IL1RAPL1: variants seen among roughly 807,000 people sequenced by gnomAD.
IL1RAPL1 encodes interleukin-1 receptor accessory protein-like 1.
In IL1RAPL1, 3 loss-of-function variants were observed where a neutral mutation model predicts 48.4. The observed-to-expected ratio is 0.06, with a 90% CI of 0.03 to 0.16. The LOEUF (loss-of-function observed/expected upper bound fraction) is 0.16, where lower values mean the gene tolerates loss of function less well. Among genes scored for constraint, IL1RAPL1 ranks in the 10% least tolerant of loss-of-function variants. The pLI is 1.00. For synonymous variants in IL1RAPL1, 185 were observed against 187.7 expected, an observed-to-expected ratio of 0.99 and a Z score of 0.12; for missense variants, 349 against 530.6, an observed-to-expected ratio of 0.66 and a Z score of 3.36.
chrX:29,640,587 G>C (rs1023431226), intron 5 of IL1RAPL1, among the ~76,000 whole-genome samples: 2 of 111,688 alleles, frequency 1.8e-5, no homozygotes, highest in Admixed American at 1.9e-4. Flanking sequence ...GGAGTAAATG[G>C]CAACTCCATT....
chrX:29,516,916 G>A (rs1935452049), intron 5 of IL1RAPL1, among the ~76,000 whole-genome samples: 1 of 111,679 alleles, frequency 9.0e-6, no homozygotes, highest in African/African-American at 3.2e-5. Flanking sequence ...TCTCACATCT[G>A]TAATCAGGCC....
intron 2 of IL1RAPL1, among the ~76,000 whole-genome samples, chrX:28,873,682 C>T (rs1922282646): frequency 9.3e-6 from 1 of 107,936 alleles, no homozygotes; most frequent in African/African-American, 3.4e-5. Flanking sequence ...CAGGAGCCCG[C>T]CACCACAGCC....
chrX:28,690,912 T>C (rs1467157870), intron 1 of IL1RAPL1, among the ~76,000 whole-genome samples: 3 of 111,436 alleles, frequency 2.7e-5, no homozygotes, highest in Non-Finnish European at 5.6e-5. Context: ...CTTCTCTACA[T>C]TCCACTGCTA....
At chrX:29,455,060 T>C (rs923842648) in intron 5 of IL1RAPL1, among the ~76,000 whole-genome samples, 106 of 111,387 alleles carry the variant, frequency 9.5e-4, no homozygotes, top group African/African-American at 3.2e-3. Context: ...GCTGAAATCA[T>C]TTTAAATAAA....
intron 6 of IL1RAPL1, among the ~76,000 whole-genome samples, chrX:29,718,603 TAA>T (rs11438049): frequency 1.1e-4 from 9 of 80,341 alleles, no homozygotes; most frequent in Non-Finnish European, 7.1e-5. Context: ...GCTAAAGTAT[TAA>T]AAAAAAAAAA....
At chrX:29,644,852 C>G (rs1327584312) in intron 5 of IL1RAPL1, among the ~76,000 whole-genome samples, 3 of 112,681 alleles carry the variant, frequency 2.7e-5, no homozygotes, top group South Asian at 7.3e-4. Context: ...CAGGCAAGAG[C>G]CACCACGCCC....
chrX:29,271,188 A>G (rs149147551), intron 2 of IL1RAPL1, among the ~76,000 whole-genome samples: 1 of 111,970 alleles, frequency 8.9e-6, no homozygotes, highest in African/African-American at 3.2e-5. Flanking sequence ...TGCAAAGGAC[A>G]TGATCTCACT....
At chrX:29,046,032 TCTCCTC>T (rs201916310) in intron 2 of IL1RAPL1, among the ~76,000 whole-genome samples, 14 of 86,035 alleles carry the variant, frequency 1.6e-4, no homozygotes, top group South Asian at 7.0e-4. Flanking sequence ...TTCCTCTTCT[TCTCCTC>T]CTCCTCCTCC....
At chrX:29,911,166 G>A (rs1436873354) in intron 6 of IL1RAPL1, among the ~76,000 whole-genome samples, 1 of 111,561 alleles carries the variant, frequency 9.0e-6, no homozygotes, top group South Asian at 3.8e-4. Flanking sequence ...TTCACACAAT[G>A]GGATATTACT....
chrX:29,120,406 C>G (rs1928759419), intron 2 of IL1RAPL1, among the ~76,000 whole-genome samples: 1 of 111,464 alleles, frequency 9.0e-6, no homozygotes. Flanking sequence ...AGTCCTTTCC[C>G]CATTGCTTAT....
intron 5 of IL1RAPL1, among the ~76,000 whole-genome samples, chrX:29,508,710 T>C: frequency 9.0e-6 from 1 of 111,652 alleles, no homozygotes; most frequent in Non-Finnish European, 1.9e-5. Flanking sequence ...ACCAGTATGA[T>C]ATGGAATAAG....
At chrX:28,672,377 T>C (rs1934955732) in intron 1 of IL1RAPL1, among the ~76,000 whole-genome samples, 1 of 111,754 alleles carries the variant, frequency 8.9e-6, no homozygotes, top group South Asian at 3.8e-4. Context: ...GGAGGGGGAC[T>C]GCTATCTTTG....
At chrX:29,128,799 C>A (rs1451296502) in intron 2 of IL1RAPL1, among the ~76,000 whole-genome samples, 2 of 110,865 alleles carry the variant, frequency 1.8e-5, no homozygotes, top group Non-Finnish European at 3.8e-5. Context: ...TTGAAAATGT[C>A]ATGCATTTTA....
intron 6 of IL1RAPL1, among the ~76,000 whole-genome samples, chrX:29,912,050 G>A (rs1420939419): frequency 8.9e-6 from 1 of 112,101 alleles, no homozygotes; most frequent in African/African-American, 3.2e-5. Context: ...GAAGTTTTGA[G>A]TATCTATTAT....
chrX:29,190,277 A>T (rs1170453708), intron 2 of IL1RAPL1, among the ~76,000 whole-genome samples: 2 of 112,136 alleles, frequency 1.8e-5, no homozygotes, highest in African/African-American at 6.5e-5. Flanking sequence ...ATTTGGTATC[A>T]TATGAAGCCA....
At chrX:29,716,829 T>G (rs958360097) in intron 6 of IL1RAPL1, among the ~76,000 whole-genome samples, 4 of 111,643 alleles carry the variant, frequency 3.6e-5, no homozygotes, top group Non-Finnish European at 7.5e-5. Flanking sequence ...TTCTATTTAG[T>G]GTATTCTAAT....
At chrX:28,705,874 A>C (rs1467542234) in intron 1 of IL1RAPL1, among the ~76,000 whole-genome samples, 1 of 112,260 alleles carries the variant, frequency 8.9e-6, no homozygotes, top group African/African-American at 3.2e-5. Flanking sequence ...AAATTAATAA[A>C]TGAAGTGATG....
At chrX:29,853,677 A>G (rs1274626828) in intron 6 of IL1RAPL1, among the ~76,000 whole-genome samples, 1 of 111,847 alleles carries the variant, frequency 8.9e-6, no homozygotes, top group Non-Finnish European at 1.9e-5. Flanking sequence ...TTGATTATAA[A>G]TCTTTTTTCA....
intron 3 of IL1RAPL1, among the ~76,000 whole-genome samples, chrX:29,393,893 C>T (rs1456758864): frequency 9.1e-6 from 1 of 110,278 alleles, no homozygotes; most frequent in African/African-American, 3.3e-5. Context: ...TCCAGTCAGC[C>T]CTGGAGTAAA....
Sources: allele counts gnomAD v4.1 joint callset (sites outside exome capture counted in the v4.1 genomes callset), GRCh38; gene constraint gnomAD v4.1.1; transcripts MANE v1.5; gene names NCBI Gene and HGNC (gene_info 2026-07-23, HGNC 2026-07-21).